The following TXNDC8 variants were observed in gnomAD, a reference collection of about 807,000 sequenced individuals.
TXNDC8 encodes thioredoxin domain-containing protein 8.
Under a neutral mutation model 12.9 loss-of-function variants are expected in TXNDC8, and 15 were observed. The ratio of observed to expected loss-of-function variants is 1.16; its 90% CI spans 0.78 to 1.79. The LOEUF (loss-of-function observed/expected upper bound fraction) is 1.79. Ranked by LOEUF, TXNDC8 falls within the 40% of genes most tolerant of loss-of-function variation. TXNDC8 has a pLI of 0.00. For synonymous variants in TXNDC8, 40 were observed against 35.4 expected (o/e 1.13, Z -0.46); for missense variants, 128 against 113.2 (o/e 1.13, Z -0.59).
chr9:110,305,654 TTC>T (rs1434059776), intron 3 of TXNDC8, among the ~76,000 whole-genome samples: 13 of 96,846 alleles, frequency 1.3e-4, no homozygotes, highest in African/African-American at 3.6e-4. Flanking sequence ...TTCTATTTTC[TTC>T]TTTCTTTCTT....
intron 3 of TXNDC8, among the ~76,000 whole-genome samples, chr9:110,312,808 G>A (rs1838738364): frequency 6.6e-6 from 1 of 152,190 alleles, no homozygotes; most frequent in Non-Finnish European, 1.5e-5. Context: ...TAGTACATCT[G>A]TTGTTAGATT....
At chr9:110,326,335 A>G in intron 2 of TXNDC8, 95 bp from the exon 4 acceptor site, 1 of 1,271,510 alleles carries the variant, frequency 7.9e-7, no homozygotes, top group Non-Finnish European at 1.1e-6. Flanking sequence ...GGCGTGTCTG[A>G]AATTCCAAGG....
intron 3 of TXNDC8, among the ~76,000 whole-genome samples, chr9:110,305,147 C>CAAAAAAA (rs769344640): frequency 8.8e-5 from 5 of 57,122 alleles, no homozygotes; most frequent in Admixed American, 4.6e-4. Flanking sequence ...GATTCTGTCT[C>CAAAAAAA]AAAAAAAAAA....
intron 2 of TXNDC8, among the ~76,000 whole-genome samples, chr9:110,332,271 G>T (rs1359879089): frequency 1.3e-5 from 2 of 152,162 alleles, no homozygotes; most frequent in African/African-American, 4.8e-5. Flanking sequence ...GGCCAGGGTG[G>T]TCTGGAACTC....
intron 3 of TXNDC8, among the ~76,000 whole-genome samples, chr9:110,319,750 G>T (rs1417969519): frequency 1.3e-5 from 2 of 152,140 alleles, no homozygotes; most frequent in African/African-American, 2.4e-5. Flanking sequence ...GTCCCTACTT[G>T]GTCCTTGAAG....
At chr9:110,333,996 C>T (rs1839645358) in intron 2 of TXNDC8, among the ~76,000 whole-genome samples, 1 of 152,126 alleles carries the variant, frequency 6.6e-6, no homozygotes, top group African/African-American at 2.4e-5. Flanking sequence ...TTGGGATGTT[C>T]TTGCAGAATT....
At chr9:110,309,918 A>G (rs867716428) in intron 3 of TXNDC8, among the ~76,000 whole-genome samples, 1 of 138,184 alleles carries the variant, frequency 7.2e-6, no homozygotes, top group African/African-American at 2.5e-5. Flanking sequence ...TTTTATTAAG[A>G]AAAAAAAAGT....
intron 2 of TXNDC8, among the ~76,000 whole-genome samples, chr9:110,333,157 G>A (rs1389778826): frequency 6.6e-6 from 1 of 152,068 alleles, no homozygotes; most frequent in Non-Finnish European, 1.5e-5. Context: ...TGATATACCA[G>A]GCATCCTCAA....
At chr9:110,332,293 C>T (rs1839577169) in intron 2 of TXNDC8, among the ~76,000 whole-genome samples, 1 of 152,158 alleles carries the variant, frequency 6.6e-6, no homozygotes, top group Non-Finnish European at 1.5e-5. Flanking sequence ...TGGCCCCAAG[C>T]AATCCTCCCT....
intron 3 of TXNDC8, among the ~76,000 whole-genome samples, chr9:110,311,524 T>G (rs1280285070): frequency 3.4e-5 from 3 of 88,964 alleles, no homozygotes; most frequent in African/African-American, 2.0e-4. Context: ...TAAAGAGGTA[T>G]ATATATATAT....
chr9:110,314,069 G>A (rs909423939), intron 3 of TXNDC8, among the ~76,000 whole-genome samples: 32 of 152,170 alleles, frequency 2.1e-4, no homozygotes, highest in African/African-American at 7.7e-4. Context: ...ACTGCTTAGG[G>A]CCAAACTGCC....
Position 110,326,174 on chromosome 9 carries a change from C to T in TXNDC8, c.195+1G>A. 6.2e-7 allele frequency: 1 copy of T among 1,614,038 alleles called. No individual in the cohort carries two copies. The highest frequency in any genetic ancestry group is 8.5e-7 in the Non-Finnish European group (1 of 1,179,930). ...CCCTGCTGGTTACCCTGGAAACATA[C>T]CTTCTGGCTTTTCTTGAACATCTGA... On this transcript the variant is annotated splice_donor_variant, in intron 3 of 4. Coordinates refer to ENST00000423740, the MANE Select transcript of TXNDC8 (RefSeq NM_001286946.2). LOFTEE classifies it high-confidence loss of function.
chr9:110,335,291 T>C (rs1031960848), intron 1 of TXNDC8, among the ~76,000 whole-genome samples: 5 of 152,060 alleles, frequency 3.3e-5, no homozygotes, highest in African/African-American at 1.2e-4. Flanking sequence ...GGCTGGGGTG[T>C]AGCGGTGCGA....
chr9:110,331,961 C>T (rs943526206), intron 2 of TXNDC8, among the ~76,000 whole-genome samples: 1 of 152,074 alleles, frequency 6.6e-6, no homozygotes, highest in African/African-American at 2.4e-5. Context: ...CCTCCAACCC[C>T]CTCATATACT....
chr9:110,303,477 T>C lies in TXNDC8; in HGVS notation c.*205A>G. 6.6e-7 allele frequency: 1 copy of C among 1,508,636 alleles called. No homozygotes were observed. The highest frequency in any genetic ancestry group is 8.9e-7 in the Non-Finnish European group (1 of 1,119,802). 93.5% of individuals were successfully genotyped at this position (1,508,636 alleles called of 1,614,324 possible). ...ATGAAAGCACAAACACATTTGCTCT[T>C]GCCTTTTCAAATGTCACAAGTGTAT... On this transcript the variant is annotated 3_prime_UTR_variant, in exon 5 of 5. Coordinates refer to ENST00000423740, the MANE Select transcript of TXNDC8 (RefSeq NM_001286946.2).
Position 110,327,918 on chromosome 9 carries a change from A to C in TXNDC8, c.130-1678T>G, listed in dbSNP as rs1354705577. On this transcript the variant is annotated intron_variant, in intron 2 of 4. Transcript: ENST00000423740. ...GTGAATATAGAAAAGGTAAAGAGAT[A>C]GTCATACTAGCTGTGTATTCTGAAT... is the stretch of plus-strand genomic sequence containing the variant. 2.0e-5 allele frequency among the ~76,000 whole-genome samples: 3 copies of C among 152,178 alleles called. No individual in the cohort carries two copies. In the East Asian group the frequency reaches 5.8e-4, roughly 29 times the overall value.
intron 3 of TXNDC8, among the ~76,000 whole-genome samples, chr9:110,310,203 G>C (rs908806481): frequency 6.9e-5 from 3 of 43,484 alleles, no homozygotes; most frequent in Non-Finnish European, 1.5e-4. Context: ...TGTGTGTGGT[G>C]TGTGTGTGTG....
At chr9:110,303,050 C>T (rs1292933952), downstream of TXNDC8, among the ~76,000 whole-genome samples, 1 of 149,612 alleles carries the variant, frequency 6.7e-6, no homozygotes, top group South Asian at 2.1e-4. Flanking sequence ...GGCAACAGAG[C>T]AAGACTGTCT....
chr9:110,314,253 A>G (rs1420448075), intron 3 of TXNDC8, among the ~76,000 whole-genome samples: 2 of 152,062 alleles, frequency 1.3e-5, no homozygotes, highest in East Asian at 1.9e-4. Flanking sequence ...GACTGAACCA[A>G]TGTTCATCTT....
Sources: gnomAD v4.1 joint callset for allele counts (sites outside exome capture counted in the v4.1 genomes callset) on GRCh38, gnomAD v4.1.1 for gene constraint, MANE v1.5 for transcripts, NCBI Gene and HGNC (gene_info 2026-07-23, HGNC 2026-07-21) for gene names.